The following DNM3 variants were observed in gnomAD, a reference collection of about 807,000 sequenced individuals.
DNM3 encodes dynamin-3.
A neutral mutation model predicts 101.6 loss-of-function variants in DNM3; 47 were observed. The observed-to-expected ratio is 0.46, with a 90% CI of 0.37 to 0.59. DNM3 has a LOEUF of 0.59. DNM3 is among the 20% of genes least tolerant of loss of function. The pLI is 0.00. For missense variants in DNM3, 849 were observed against 1,085.7 expected (o/e 0.78, Z 3.06); for synonymous variants, 385 against 387.9 (o/e 0.99, Z 0.09).
chr1:172,381,205 G>A (rs1160369990), intron 18 of DNM3, among the ~76,000 whole-genome samples: 1 of 151,886 alleles, frequency 6.6e-6, no homozygotes, highest in African/African-American at 2.4e-5. Context: ...ATCCTCGGAG[G>A]TAAAGTTCTG....
intron 17 of DNM3, among the ~76,000 whole-genome samples, chr1:172,352,250 TAG>T (rs1200648261): frequency 6.6e-6 from 1 of 152,226 alleles, no homozygotes; most frequent in Non-Finnish European, 1.5e-5. Flanking sequence ...CCTATGAAGG[TAG>T]AGAGATTGTA....
At chr1:172,203,890 C>G (rs150163675) in intron 14 of DNM3, among the ~76,000 whole-genome samples, 4 of 152,260 alleles carry the variant, frequency 2.6e-5, no homozygotes, top group African/African-American at 9.6e-5. Context: ...GGCTACTTAA[C>G]CAGCTTGATT....
At chr1:171,920,012 A>G (rs2040030720) in intron 1 of DNM3, among the ~76,000 whole-genome samples, 1 of 152,090 alleles carries the variant, frequency 6.6e-6, no homozygotes, top group Non-Finnish European at 1.5e-5. Context: ...TAATTTCACT[A>G]TTTTCTATTG....
Position 171,966,929 on chromosome 1 carries a change from G to A in DNM3, c.236-20727G>A, listed in dbSNP as rs181147348. Among the ~76,000 whole-genome samples the A allele has an allele frequency of 5.9e-5, 9 of 152,258 alleles. No individual in the cohort carries two copies. The East Asian group carries it at 1.4e-3, about 23-fold the overall frequency. ...CAGCCTTCTGTTCAGTCATTGAGTC[G>A]TAGTTTTCTGGGTTGTAAATCAGAG... is the stretch of plus-strand genomic sequence containing the variant. On this transcript the variant is annotated intron_variant, in intron 2 of 20. Transcript: ENST00000627582.
chr1:172,227,543 A>G (rs1400940507), intron 14 of DNM3, among the ~76,000 whole-genome samples: 1 of 152,000 alleles, frequency 6.6e-6, no homozygotes, highest in Non-Finnish European at 1.5e-5. Context: ...TTACATTCCA[A>G]CCAGCAGTGT....
intron 14 of DNM3, among the ~76,000 whole-genome samples, chr1:172,231,891 G>C (rs2061350617): frequency 6.6e-6 from 1 of 152,090 alleles, no homozygotes; most frequent in Non-Finnish European, 1.5e-5. Flanking sequence ...GAAGTTTAGA[G>C]AAAAAGGAAT....
intron 14 of DNM3, among the ~76,000 whole-genome samples, chr1:172,238,361 C>T (rs919172063): frequency 6.6e-6 from 1 of 152,060 alleles, no homozygotes; most frequent in Non-Finnish European, 1.5e-5. Context: ...TTAAGGGCAA[C>T]CTAAGCCAAG....
At chr1:172,266,902 G>A (rs2062881117) in intron 15 of DNM3, among the ~76,000 whole-genome samples, 1 of 151,980 alleles carries the variant, frequency 6.6e-6, no homozygotes, top group Admixed American at 6.6e-5. Context: ...TAAAAATTTG[G>A]TTTTCCCCAT....
At chr1:172,011,773 A>G (rs986703288) in intron 4 of DNM3, among the ~76,000 whole-genome samples, 115 of 152,134 alleles carry the variant, frequency 7.6e-4, no homozygotes, top group African/African-American at 2.6e-3. Flanking sequence ...TTCAAAACCA[A>G]TAGATCCAAA....
chr1:171,971,214 T>G (rs1365999351), intron 2 of DNM3, among the ~76,000 whole-genome samples: 1 of 152,088 alleles, frequency 6.6e-6, no homozygotes, highest in Non-Finnish European at 1.5e-5. Context: ...TTTTTTCTCT[T>G]TGGTGCTTTT....
chr1:172,259,725 TA>T (rs1331994754), intron 15 of DNM3, among the ~76,000 whole-genome samples: 1 of 152,134 alleles, frequency 6.6e-6, no homozygotes, highest in Non-Finnish European at 1.5e-5. Flanking sequence ...GTGCAAAGTT[TA>T]ATCTGTTTAC....
chr1:172,108,304 T>TC (rs1195389338), intron 13 of DNM3, among the ~76,000 whole-genome samples: 1 of 152,176 alleles, frequency 6.6e-6, no homozygotes, highest in African/African-American at 2.4e-5. Flanking sequence ...TTTTCTTTTT[T>TC]CCCTCAGACA....
intron 16 of DNM3, among the ~76,000 whole-genome samples, chr1:172,316,697 A>AAT (rs2065379660): frequency 6.6e-6 from 1 of 152,140 alleles, no homozygotes; most frequent in Non-Finnish European, 1.5e-5. Flanking sequence ...AACTATCCTA[A>AAT]ATATATATGC....
chr1:172,110,533 A>G (rs2055390638), intron 13 of DNM3, among the ~76,000 whole-genome samples: 1 of 152,252 alleles, frequency 6.6e-6, no homozygotes, highest in African/African-American at 2.4e-5. Flanking sequence ...CTGGAATTAA[A>G]TCACCAGCTA....
intron 1 of DNM3, among the ~76,000 whole-genome samples, chr1:171,876,338 A>G (rs1368463148): frequency 6.6e-6 from 1 of 152,176 alleles, no homozygotes; most frequent in Admixed American, 6.5e-5. Flanking sequence ...AAAAAGTCAA[A>G]ACAAAAAAAG....
chr1:172,128,727 G>C (rs1236087977), intron 13 of DNM3, among the ~76,000 whole-genome samples: 1 of 152,130 alleles, frequency 6.6e-6, no homozygotes, highest in African/African-American at 2.4e-5. Context: ...TATGTGGTTA[G>C]TGGCTACCGG....
At chr1:171,975,249 C>G (rs991045929) in intron 2 of DNM3, among the ~76,000 whole-genome samples, 2 of 152,052 alleles carry the variant, frequency 1.3e-5, no homozygotes, top group Non-Finnish European at 2.9e-5. Flanking sequence ...TAAGCAAAAG[C>G]GTCTTATCAG....
chr1:172,285,644 G>A (rs745620498), intron 15 of DNM3, among the ~76,000 whole-genome samples: 3 of 152,062 alleles, frequency 2.0e-5, no homozygotes, highest in Non-Finnish European at 2.9e-5. Flanking sequence ...TCAGTTCAAG[G>A]AACTCACTTT....
At chr1:172,298,374 T>C (rs899443581) in intron 15 of DNM3, among the ~76,000 whole-genome samples, 1 of 152,244 alleles carries the variant, frequency 6.6e-6, no homozygotes, top group African/African-American at 2.4e-5. Context: ...TCAGTTGTCA[T>C]GGGCCAGTAA....
Sources: allele counts gnomAD v4.1 joint callset (sites outside exome capture counted in the v4.1 genomes callset), GRCh38; gene constraint gnomAD v4.1.1; transcripts MANE v1.5; gene names NCBI Gene and HGNC (gene_info 2026-07-23, HGNC 2026-07-21).